The following ASXL2 variants were observed in gnomAD, a reference collection of about 807,000 sequenced individuals.
ASXL2 encodes ASXL transcriptional regulator 2, also known as putative Polycomb group protein ASXL2.
ASXL2 carries 23 observed loss-of-function variants against 122.0 expected under a neutral mutation model. The ratio of observed to expected loss-of-function variants is 0.19; its 90% CI spans 0.14 to 0.27. ASXL2 has a LOEUF of 0.27. ASXL2 is among the 10% of genes least tolerant of loss of function. The pLI is 1.00. For missense variants in ASXL2, 1,518 were observed against 1,713.8 expected (o/e 0.89, Z 2.02); for synonymous variants, 650 against 637.0 (o/e 1.02, Z -0.31).
intron 3 of ASXL2, among the ~76,000 whole-genome samples, chr2:25,828,865 TCTC>T (rs1268888264): frequency 2.1e-5 from 3 of 141,648 alleles, no homozygotes; most frequent in Admixed American, 7.1e-5. Flanking sequence ...CCTTGTCCAA[TCTC>T]CTGAGTGCAG....
intron 3 of ASXL2, among the ~76,000 whole-genome samples, chr2:25,816,099 C>T (rs2089230208): frequency 6.6e-6 from 1 of 152,072 alleles, no homozygotes; most frequent in Non-Finnish European, 1.5e-5. Context: ...TTTCCTAAAT[C>T]TTGGCTGGGT....
At chr2:25,820,948 C>T (rs1369174340) in intron 3 of ASXL2, among the ~76,000 whole-genome samples, 3 of 152,112 alleles carry the variant, frequency 2.0e-5, no homozygotes, top group Non-Finnish European at 4.4e-5. Flanking sequence ...GGGCGGATCA[C>T]CTGAGGTCAG....
At chr2:25,780,915 G>A (rs137897280) in intron 5 of ASXL2, among the ~76,000 whole-genome samples, 5 of 151,780 alleles carry the variant, frequency 3.3e-5, no homozygotes, top group African/African-American at 7.2e-5. Context: ...GTGAAACCCC[G>A]TCTCTACTAA....
intron 1 of ASXL2, among the ~76,000 whole-genome samples, chr2:25,851,870 G>A (rs1159302476): frequency 6.6e-6 from 1 of 152,010 alleles, no homozygotes; most frequent in African/African-American, 2.4e-5. Context: ...CAGCCTCGGT[G>A]ACACAATGAG....
chr2:25,759,951 A>C (rs1007716246), intron 8 of ASXL2, among the ~76,000 whole-genome samples: 8 of 152,290 alleles, frequency 5.3e-5, no homozygotes, highest in African/African-American at 1.2e-4. Flanking sequence ...TATTTCCCCC[A>C]AAAAACTGAG....
chr2:25,764,004 T>C (rs1279624684), intron 8 of ASXL2, among the ~76,000 whole-genome samples: 1 of 152,108 alleles, frequency 6.6e-6, no homozygotes, highest in Non-Finnish European at 1.5e-5. Flanking sequence ...AACTTCAAAA[T>C]AACTCCTGGG....
intron 1 of ASXL2, among the ~76,000 whole-genome samples, chr2:25,859,779 C>T (rs567965209): frequency 1.3e-5 from 2 of 152,316 alleles, no homozygotes; most frequent in Admixed American, 1.3e-4. Context: ...TCTCAGACTA[C>T]AGTGGAATTT....
At chr2:25,800,929 T>G (rs1199042062) in intron 4 of ASXL2, among the ~76,000 whole-genome samples, 1 of 152,074 alleles carries the variant, frequency 6.6e-6, no homozygotes, top group African/African-American at 2.4e-5. Flanking sequence ...GTGTTTGTGG[T>G]TTTTTGTTAT....
chr2:25,785,432 C>T (rs1200643156), intron 5 of ASXL2, among the ~76,000 whole-genome samples: 2 of 152,080 alleles, frequency 1.3e-5, no homozygotes, highest in African/African-American at 4.8e-5. Context: ...ACCATGGTGG[C>T]CAGGCTGGTC....
At position 25,811,055 on chromosome 2, in the gene ASXL2, TACACAC is replaced by T. The variant is rs34006530; in HGVS notation, c.144-4724_144-4719del. Among the ~76,000 whole-genome samples the T allele has an allele frequency of 9.9e-3, 1,153 of 116,426 alleles. 18 individuals carry two copies. Among genetic ancestry groups the T allele is most frequent in the African/African-American group, 0.027 (812 of 30,148 alleles). 76.4% of individuals were successfully genotyped at this position (116,426 alleles called of 152,430 possible). Reference sequence around the variant, plus strand: ...CCTGTCTCTACAAAAAATACAAAAATACACACACACACACACACACACACACACACA... The same window carrying T: ...CCTGTCTCTACAAAAAATACAAAAATACACACACACACACACACACACACA... On this transcript the variant is annotated intron_variant, in intron 3 of 12. Coordinates refer to ENST00000435504, the MANE Select transcript of ASXL2 (RefSeq NM_018263.6).
intron 5 of ASXL2, among the ~76,000 whole-genome samples, chr2:25,774,056 T>TAA (rs2088505902): frequency 6.6e-6 from 1 of 151,644 alleles, no homozygotes; most frequent in Non-Finnish European, 1.5e-5. Context: ...TATATATATA[T>TAA]AATTCATATA....
intron 1 of ASXL2, among the ~76,000 whole-genome samples, chr2:25,873,341 G>A (rs1372092389): frequency 1.3e-5 from 2 of 152,086 alleles, no homozygotes; most frequent in Non-Finnish European, 2.9e-5. Context: ...AACCCAGGAG[G>A]CAGAGGTTGC....
intron 5 of ASXL2, among the ~76,000 whole-genome samples, chr2:25,791,214 C>G (rs1176075943): frequency 6.6e-6 from 1 of 151,906 alleles, no homozygotes; most frequent in Non-Finnish European, 1.5e-5. Context: ...TGAGGCCGGG[C>G]GTGGAGGCCT....
chr2:25,853,862 T>C (rs1231993470), intron 1 of ASXL2, among the ~76,000 whole-genome samples: 1 of 151,916 alleles, frequency 6.6e-6, no homozygotes, highest in African/African-American at 2.4e-5. Flanking sequence ...AAACACTTAA[T>C]GGTTGGCTGA....
intron 3 of ASXL2, among the ~76,000 whole-genome samples, chr2:25,829,388 G>A (rs2089422208): frequency 6.6e-6 from 1 of 152,128 alleles, no homozygotes; most frequent in Non-Finnish European, 1.5e-5. Flanking sequence ...TAAACTATGG[G>A]CATGGTTCTG....
chr2:25,816,557 C>A (rs1179598009), intron 3 of ASXL2, among the ~76,000 whole-genome samples: 1 of 152,132 alleles, frequency 6.6e-6, no homozygotes. Context: ...AAGGAGAGAA[C>A]AATCCACAGC....
chr2:25,869,689 C>T (rs1052735549), intron 1 of ASXL2, among the ~76,000 whole-genome samples: 4 of 151,516 alleles, frequency 2.6e-5, no homozygotes, highest in Admixed American at 6.6e-5. Flanking sequence ...TGGTGGCGTG[C>T]GCCTGTAGTG....
intron 8 of ASXL2, among the ~76,000 whole-genome samples, chr2:25,760,954 G>A (rs2088232093): frequency 1.3e-5 from 2 of 152,200 alleles, no homozygotes; most frequent in African/African-American, 2.4e-5. Flanking sequence ...ATCTAGAAAT[G>A]TAGAATAAAA....
intron 1 of ASXL2, among the ~76,000 whole-genome samples, chr2:25,867,525 T>C (rs976172297): frequency 6.6e-6 from 1 of 152,106 alleles, no homozygotes; most frequent in Non-Finnish European, 1.5e-5. Flanking sequence ...ATGAGAAAAA[T>C]GTGAAAGACG....
Sources: gnomAD v4.1 joint callset for allele counts (sites outside exome capture counted in the v4.1 genomes callset) on GRCh38, gnomAD v4.1.1 for gene constraint, MANE v1.5 for transcripts, NCBI Gene and HGNC (gene_info 2026-07-23, HGNC 2026-07-21) for gene names.